COL11A1: variants seen among roughly 807,000 people sequenced by gnomAD.
COL11A1 encodes collagen type XI alpha 1 chain, also known as collagen alpha-1(XI) chain.
A neutral mutation model predicts 265.2 loss-of-function variants in COL11A1; 74 were observed. The observed-to-expected ratio is 0.28, with a 90% CI of 0.23 to 0.34. COL11A1 has a LOEUF of 0.34. COL11A1 is among the 10% of genes least tolerant of loss of function. The probability of loss-of-function intolerance (pLI) is 1.00; values close to 1 mark genes in which losing one functional copy is unlikely to be tolerated. For missense variants in COL11A1, 2,165 were observed against 2,263.6 expected, an observed-to-expected ratio of 0.96 and a Z score of 0.88; for synonymous variants, 816 against 727.6, an observed-to-expected ratio of 1.12 and a Z score of -1.96.
rs368447146 is a variant in COL11A1 at position 103,004,482 on chromosome 1, C to A, written c.1906G>T (p.Asp636Tyr). 107 of 1,611,966 alleles carry A rather than the reference C, an allele frequency of 6.6e-5. No individual in the cohort carries two copies. The highest frequency in any genetic ancestry group is 7.1e-5 in the Non-Finnish European group (84 of 1,178,708). Residue 636 changes from aspartate (D) to tyrosine (Y), a missense_variant, in exon 20 of 67, where the codon GAT (aspartate) becomes TAT (tyrosine). Physicochemically the swap from Asp to Tyr is radical, Grantham distance 160. Transcript: ENST00000370096. The stretch of plus-strand genomic sequence containing the variant: ...AGACCTCTTGGTCCAATTTCTCCAT[C>A]TTCTCCCTGTCATTGACAAAATGAA... ...PPGDDGMRGE[D>Y]GEIGPRGLPG...
chr1:102,933,910 T>C (rs1053332085), intron 46 of COL11A1, among the ~76,000 whole-genome samples: 82 of 152,326 alleles, frequency 5.4e-4, no homozygotes, highest in African/African-American at 1.9e-3. Context: ...TGACCCCTTT[T>C]GCTTCCCAAG....
chr1:102,882,043 TA>T (rs1311058523), intron 64 of COL11A1, among the ~76,000 whole-genome samples: 1 of 152,138 alleles, frequency 6.6e-6, no homozygotes, highest in African/African-American at 2.4e-5. Flanking sequence ...ATAGGCATAC[TA>T]AGGGTTATAG....
chr1:103,031,777 T>C (rs2101998791), intron 4 of COL11A1, among the ~76,000 whole-genome samples: 1 of 150,978 alleles, frequency 6.6e-6, no homozygotes, highest in East Asian at 2.0e-4. Context: ...CCTACAAAGA[T>C]GAATGAGAAA....
intron 37 of COL11A1, among the ~76,000 whole-genome samples, chr1:102,967,227 C>CTTTTTTTA: frequency 1.9e-5 from 1 of 52,754 alleles, no homozygotes; most frequent in Non-Finnish European, 3.1e-5. Context: ...ATAATAAATT[C>CTTTTTTTA]TTTTTTTTTT....
chr1:102,889,652 A>C, intron 58 of COL11A1, 90 bp from the exon 59 acceptor site: 1 of 935,906 alleles, frequency 1.1e-6, no homozygotes. Flanking sequence ...TAAATTTCTA[A>C]AGCATAAAAA....
At chr1:103,042,504 C>T (rs1483019695) in intron 4 of COL11A1, among the ~76,000 whole-genome samples, 1 of 152,026 alleles carries the variant, frequency 6.6e-6, no homozygotes, top group Non-Finnish European at 1.5e-5. Context: ...AAGAATCTGA[C>T]CCCTAAAGTC....
chr1:102,903,224 T>A (rs917621783), intron 54 of COL11A1, among the ~76,000 whole-genome samples: 2 of 152,162 alleles, frequency 1.3e-5, no homozygotes, highest in Non-Finnish European at 2.9e-5. Context: ...TACAAATGCA[T>A]GACAGAAAGT....
intron 31 of COL11A1, among the ~76,000 whole-genome samples, chr1:102,983,174 T>C (rs1245788539): frequency 6.6e-6 from 1 of 151,982 alleles, no homozygotes; most frequent in Non-Finnish European, 1.5e-5. Context: ...TTATGATAGG[T>C]TTGAGAAAAA....
rs1467756967 is a variant in COL11A1 at position 102,979,097 on chromosome 1, G to T, written c.2618C>A (p.Ala873Asp). 4.3e-6 allele frequency: 7 copies of T among 1,613,998 alleles called. No individual in the cohort carries two copies. In the East Asian group the frequency reaches 1.6e-4, roughly 36 times the overall value. ...ANGEKGARGV[A>D]GKPGPRGQRG... Reference sequence around the variant, plus strand: ...CTGACCCCGAGGGCCTGGTTTGCCAGCTACTCCCTAGCAAAGACAGTTCAA... The same window carrying T: ...CTGACCCCGAGGGCCTGGTTTGCCATCTACTCCCTAGCAAAGACAGTTCAA... Residue 873 changes from alanine to aspartate, a missense_variant, in exon 33 of 67, where the codon GCT becomes GAT. By Grantham distance (126) the Ala-to-Asp change is moderately radical. Coordinates refer to ENST00000370096, the MANE Select transcript of COL11A1 (RefSeq NM_001854.4).
Position 103,002,448 on chromosome 1 carries a change from G to C in COL11A1, c.2077C>G (p.Gln693Glu), listed in dbSNP as rs865854344. 44 of 1,610,048 alleles carry C rather than the reference G, an allele frequency of 2.7e-5. No individual in the cohort carries two copies. Among genetic ancestry groups the C allele is most frequent in the Non-Finnish European group, 3.6e-5 (43 of 1,178,264 alleles). The change falls in exon 23 of 67, where the codon CAA (glutamine) becomes GAA (glutamate). Residue 693 changes from glutamine to glutamate, a missense_variant. Transcript: ENST00000370096. ...CTTACCTGAGGTCCTGGATTCCCTT[G>C]TTGACCTGGAGGCCCAGGCTCCCCT... ...PQGEPGPPGQ[Q>E]GNPGPQGLPG...
intron 57 of COL11A1, among the ~76,000 whole-genome samples, chr1:102,897,543 G>A (rs906476104): frequency 7.9e-5 from 12 of 151,902 alleles, no homozygotes; most frequent in African/African-American, 2.7e-4. Flanking sequence ...ATCAAGTATA[G>A]CCTCAGATCC....
At chr1:102,917,930 T>C (rs1655536769) in intron 49 of COL11A1, among the ~76,000 whole-genome samples, 1 of 151,670 alleles carries the variant, frequency 6.6e-6, no homozygotes, top group Non-Finnish European at 1.5e-5. Context: ...TTTAGTATGT[T>C]AGATCCAAGT....
intron 4 of COL11A1, among the ~76,000 whole-genome samples, chr1:103,070,788 G>A (rs933740375): frequency 2.0e-5 from 3 of 151,822 alleles, no homozygotes; most frequent in African/African-American, 7.3e-5. Context: ...TAAATGGAAA[G>A]GTTATCTCCA....
chr1:102,991,596 G>A (rs1053226114), intron 28 of COL11A1, among the ~76,000 whole-genome samples: 1 of 152,026 alleles, frequency 6.6e-6, no homozygotes, highest in African/African-American at 2.4e-5. Context: ...TCTGCTAAAT[G>A]GCCGAACACA....
At chr1:102,882,531 C>A (rs1215744167) in intron 64 of COL11A1, among the ~76,000 whole-genome samples, 1 of 152,102 alleles carries the variant, frequency 6.6e-6, no homozygotes, top group Non-Finnish European at 1.5e-5. Flanking sequence ...CATAAAGCTA[C>A]TTGTTTTGCC....
intron 41 of COL11A1, among the ~76,000 whole-genome samples, chr1:102,957,346 C>T (rs1162987851): frequency 6.6e-6 from 1 of 151,996 alleles, no homozygotes; most frequent in Non-Finnish European, 1.5e-5. Flanking sequence ...GGGACACATA[C>T]AAACTTTGCA....
At chr1:102,973,278 T>C (rs1375644750) in intron 36 of COL11A1, among the ~76,000 whole-genome samples, 1 of 152,200 alleles carries the variant, frequency 6.6e-6, no homozygotes, top group African/African-American at 2.4e-5. Flanking sequence ...GCTTCTCAAG[T>C]GTAGGCATTT....
intron 14 of COL11A1, among the ~76,000 whole-genome samples, chr1:103,012,175 A>G (rs1433375685): frequency 1.3e-5 from 2 of 152,228 alleles, no homozygotes; most frequent in African/African-American, 4.8e-5. Flanking sequence ...ATAGTTGGAT[A>G]TGACTCAATT....
intron 20 of COL11A1, among the ~76,000 whole-genome samples, chr1:103,003,920 C>A (rs1322694577): frequency 2.6e-5 from 4 of 152,074 alleles, no homozygotes; most frequent in Non-Finnish European, 4.4e-5. Flanking sequence ...TAAAATGTGG[C>A]GCAAGGTAGA....
Sources: gnomAD v4.1 joint callset for allele counts (sites outside exome capture counted in the v4.1 genomes callset) on GRCh38, gnomAD v4.1.1 for gene constraint, MANE v1.5 for transcripts, NCBI Gene and HGNC (gene_info 2026-07-23, HGNC 2026-07-21) for gene names.